The following IGF1R variants were observed in gnomAD, a reference collection of about 807,000 sequenced individuals.
The protein encoded by IGF1R is insulin-like growth factor 1 receptor.
A neutral mutation model predicts 144.6 loss-of-function variants in IGF1R; 44 were observed. The observed-to-expected ratio is 0.30, with a 90% confidence interval of 0.24 to 0.39. IGF1R has a LOEUF of 0.39. IGF1R is among the 10% of genes least tolerant of loss of function. The pLI, the probability that IGF1R is intolerant of heterozygous loss-of-function variation, is 1.00. For synonymous variants in IGF1R, 795 were observed against 722.8 expected, an observed-to-expected ratio of 1.10 and a Z score of -1.60; for missense variants, 1,355 against 1,833.7, an observed-to-expected ratio of 0.74 and a Z score of 4.77.
intron 2 of IGF1R, among the ~76,000 whole-genome samples, chr15:98,846,505 C>T (rs1191621812): frequency 2.6e-5 from 4 of 152,214 alleles, no homozygotes; most frequent in Admixed American, 1.3e-4. Context: ...AAGTTAAGCT[C>T]TTTTCCCAGT....
In IGF1R at chr15:98,958,973, G is replaced by T; in HGVS notation, c.*1531G>T. 1 of 233,326 alleles carries T rather than the reference G, an allele frequency of 4.3e-6. No homozygotes were observed. The allele number at this position is 233,326 out of a possible 1,614,324, so 14.5% of individuals were successfully genotyped here. On this transcript the variant is annotated 3_prime_UTR_variant, in exon 21 of 21. Transcript: ENST00000650285. ...TCTAACCCGTAGGCTCTCTGGGCAC[G>T]AGGCAGAAAGCAGGCCGGGCACCCA... is the stretch of plus-strand genomic sequence containing the variant.
At chr15:98,799,357 G>A (rs1388741560) in intron 2 of IGF1R, among the ~76,000 whole-genome samples, 1 of 84,894 alleles carries the variant, frequency 1.2e-5, no homozygotes, top group Non-Finnish European at 2.4e-5. Flanking sequence ...TAGAAGGGCT[G>A]CAGTAAGTTT....
At chr15:98,715,909 G>C (rs1046287744) in intron 2 of IGF1R, among the ~76,000 whole-genome samples, 2 of 152,172 alleles carry the variant, frequency 1.3e-5, no homozygotes, top group South Asian at 2.1e-4. Context: ...AGTAGAGCAG[G>C]CTGTTTAAAT....
intron 2 of IGF1R, among the ~76,000 whole-genome samples, chr15:98,854,867 C>T (rs2011709015): frequency 6.6e-6 from 1 of 152,052 alleles, no homozygotes; most frequent in Admixed American, 6.5e-5. Context: ...AGTACCCTGG[C>T]CTGGCTTTGG....
chr15:98,830,603 A>ACCTTTTTTTTTTTTTT (rs949484748), intron 2 of IGF1R, among the ~76,000 whole-genome samples: 2 of 133,722 alleles, frequency 1.5e-5, no homozygotes, highest in African/African-American at 6.6e-5. Context: ...TCTGATCATC[A>ACCTTTTTTTTTTTTTT]TCTTTTTTTT....
In IGF1R at chr15:98,779,656, C is replaced by T. The variant is rs144182758; in HGVS notation, c.640+71549C>T. Among the ~76,000 whole-genome samples, 539 of 152,286 alleles carry T rather than the reference C, an allele frequency of 3.5e-3. 4 individuals are homozygous for T. The highest frequency in any genetic ancestry group is 0.011 in the African/African-American group (462 of 41,562). On this transcript the variant is annotated intron_variant, in intron 2 of 20. Coordinates refer to ENST00000650285, the MANE Select transcript of IGF1R (RefSeq NM_000875.5). ...GGAACTATCATTAAATCATATAATC[C>T]GCTTCTCTGGAGTCAGAGGTTGACA... is the stretch of plus-strand genomic sequence containing the variant.
chr15:98,918,542 A>G (rs2015348241), intron 10 of IGF1R, among the ~76,000 whole-genome samples: 1 of 152,124 alleles, frequency 6.6e-6, no homozygotes, highest in Non-Finnish European at 1.5e-5. Flanking sequence ...GCGCCTCTTC[A>G]TTGCTTGGTG....
intron 2 of IGF1R, among the ~76,000 whole-genome samples, chr15:98,731,332 C>T (rs902544269): frequency 1.3e-5 from 2 of 152,206 alleles, no homozygotes; most frequent in Non-Finnish European, 2.9e-5. Flanking sequence ...CACTGCTTGG[C>T]TGCATTTTTC....
At chr15:98,649,714 T>A in intron 1 of IGF1R, 39 bp downstream of exon 1, 7 of 1,479,746 alleles carry the variant, frequency 4.7e-6, no homozygotes, top group Non-Finnish European at 6.6e-6. Context: ...CTGCGGGAAC[T>A]TTTCCTCCGA....
At chr15:98,787,997 T>C (rs2056037890) in intron 2 of IGF1R, among the ~76,000 whole-genome samples, 1 of 151,920 alleles carries the variant, frequency 6.6e-6, no homozygotes, top group Admixed American at 6.6e-5. Flanking sequence ...CAGATTTGCC[T>C]CTGGATCCTC....
chr15:98,809,727 G>A (rs1259370091), intron 2 of IGF1R, among the ~76,000 whole-genome samples: 3 of 152,214 alleles, frequency 2.0e-5, no homozygotes, highest in Non-Finnish European at 1.5e-5. Context: ...CAAGGACTGT[G>A]CTGTGAGATC....
intron 18 of IGF1R, among the ~76,000 whole-genome samples, chr15:98,942,472 C>T (rs1726398980): frequency 1.3e-5 from 2 of 152,088 alleles, no homozygotes; most frequent in Admixed American, 6.5e-5. Context: ...TACCTAGGAA[C>T]ACAGGCGCAC....
intron 2 of IGF1R, among the ~76,000 whole-genome samples, chr15:98,842,437 A>G (rs1168469768): frequency 6.6e-6 from 1 of 152,198 alleles, no homozygotes; most frequent in African/African-American, 2.4e-5. Context: ...TTTTGAAATG[A>G]GGACAGGGAA....
chr15:98,928,743 C>T (rs539358703), intron 13 of IGF1R, among the ~76,000 whole-genome samples: 4 of 152,238 alleles, frequency 2.6e-5, no homozygotes, highest in African/African-American at 9.6e-5. Flanking sequence ...ACTAATTTCC[C>T]ATGTCCCACA....
At chr15:98,858,963 A>G (rs1284346177) in intron 2 of IGF1R, among the ~76,000 whole-genome samples, 1 of 151,762 alleles carries the variant, frequency 6.6e-6, no homozygotes, top group Non-Finnish European at 1.5e-5. Context: ...CTTTCAGTCT[A>G]CCCTTTGGTT....
intron 2 of IGF1R, among the ~76,000 whole-genome samples, chr15:98,769,490 A>G (rs1209280423): frequency 1.3e-5 from 2 of 152,224 alleles, no homozygotes; most frequent in Non-Finnish European, 2.9e-5. Flanking sequence ...CAACAGTGCT[A>G]CAGGTGAGGA....
intron 2 of IGF1R, among the ~76,000 whole-genome samples, chr15:98,754,528 CCTTTGACT>C (rs1555440562): frequency 2.6e-5 from 4 of 152,188 alleles, no homozygotes; most frequent in Non-Finnish European, 5.9e-5. Context: ...TTTCAGCTCA[CCTTTGACT>C]CACGCTGGCA....
chr15:98,836,522 A>T (rs971192896), intron 2 of IGF1R, among the ~76,000 whole-genome samples: 2 of 100,284 alleles, frequency 2.0e-5, no homozygotes, highest in Non-Finnish European at 1.8e-5. Context: ...CTGTCTCTTT[A>T]AAAAAAAAAA....
At chr15:98,666,924 A>G (rs992658227) in intron 1 of IGF1R, among the ~76,000 whole-genome samples, 4 of 152,234 alleles carry the variant, frequency 2.6e-5, no homozygotes, top group Admixed American at 1.3e-4. Flanking sequence ...CCACAATTTT[A>G]AAAAGCTTAT....
Sources: allele counts gnomAD v4.1 joint callset (sites outside exome capture counted in the v4.1 genomes callset), GRCh38; gene constraint gnomAD v4.1.1; transcripts MANE v1.5; gene names NCBI Gene and HGNC (gene_info 2026-07-23, HGNC 2026-07-21).